The following RRAS2 variants were observed in gnomAD, a reference collection of about 807,000 sequenced individuals.
RRAS2 encodes ras-related protein R-Ras2.
A neutral mutation model predicts 27.6 loss-of-function variants in RRAS2; 7 were observed. The observed-to-expected ratio is 0.25, with a 90% CI of 0.14 to 0.48. The LOEUF is 0.48. Ranked by LOEUF, RRAS2 falls within the 20% of genes least tolerant of loss-of-function variation. The probability of loss-of-function intolerance (pLI) is 0.99; values close to 1 mark genes in which losing one functional copy is unlikely to be tolerated. For synonymous variants in RRAS2, 86 were observed against 90.9 expected (o/e 0.95, Z 0.31); for missense variants, 178 against 256.2 (o/e 0.69, Z 2.08).
At chr11:14,290,483 CATCTCAATTTCATGCTATAGT>C (rs1554945674) in intron 4 of RRAS2, among the ~76,000 whole-genome samples, 2 of 152,130 alleles carry the variant, frequency 1.3e-5, no homozygotes, top group African/African-American at 4.8e-5. Flanking sequence ...TCTACTATAG[CATCTCAATTTCATGCTATAGT>C]ATCTCAATTT....
chr11:14,309,142 T>G (rs1261933313), intron 1 of RRAS2, among the ~76,000 whole-genome samples: 1 of 152,184 alleles, frequency 6.6e-6, no homozygotes, highest in Non-Finnish European at 1.5e-5. Flanking sequence ...AGACTGTTAC[T>G]TCCATTTTCA....
chr11:14,360,730 T>G (rs1345271616), upstream of RRAS2, among the ~76,000 whole-genome samples: 1 of 152,068 alleles, frequency 6.6e-6, no homozygotes. Context: ...CAGACCAACC[T>G]GGCCAACATG....
At chr11:14,343,038 G>C (rs1848749671) in intron 1 of RRAS2, among the ~76,000 whole-genome samples, 1 of 152,158 alleles carries the variant, frequency 6.6e-6, no homozygotes, top group South Asian at 2.1e-4. Flanking sequence ...GGGGTATTTT[G>C]TGACAGGCCA....
intron 1 of RRAS2, among the ~76,000 whole-genome samples, chr11:14,356,148 G>T (rs150109301): frequency 2.6e-5 from 4 of 152,214 alleles, no homozygotes; most frequent in Non-Finnish European, 5.9e-5. Context: ...AATTACACAT[G>T]CAGCAAGTGG....
intron 4 of RRAS2, among the ~76,000 whole-genome samples, chr11:14,282,578 T>C (rs968353757): frequency 1.3e-5 from 2 of 152,140 alleles, no homozygotes; most frequent in Non-Finnish European, 2.9e-5. Context: ...CTTAAAATTA[T>C]ATTTCTGAAA....
intron 1 of RRAS2, among the ~76,000 whole-genome samples, chr11:14,322,828 TA>T (rs1276173541): frequency 3.3e-5 from 5 of 152,022 alleles, no homozygotes; most frequent in Non-Finnish European, 5.9e-5. Context: ...CAAGAGGCTA[TA>T]AAAAATGACC....
chr11:14,323,945 T>C (rs1591472115), intron 1 of RRAS2, among the ~76,000 whole-genome samples: 2 of 148,684 alleles, frequency 1.3e-5, no homozygotes, highest in South Asian at 2.1e-4. Context: ...CTATAAGAGA[T>C]ATGGAAAAAG....
chr11:14,363,381 G>A (rs995526273), upstream of RRAS2, among the ~76,000 whole-genome samples: 1 of 152,148 alleles, frequency 6.6e-6, no homozygotes, highest in African/African-American at 2.4e-5. Flanking sequence ...AGCCTGTAGT[G>A]TCTTTTAAAA....
intron 1 of RRAS2, among the ~76,000 whole-genome samples, chr11:14,296,561 A>C (rs1247816398): frequency 1.3e-5 from 2 of 152,238 alleles, no homozygotes; most frequent in African/African-American, 4.8e-5. Flanking sequence ...CATCAGTCCT[A>C]AGAAGTCAAG....
rs1197628058 is a variant in RRAS2 at position 14,358,413 on chromosome 11, G to T, written c.108+350C>A. ...GGCTCCAGCTCCAGCCCCACGCCCGGACCCTCGGAGCAGTAAAGCCCGGCT... is the reference window on the plus strand; with the variant it reads ...GGCTCCAGCTCCAGCCCCACGCCCGTACCCTCGGAGCAGTAAAGCCCGGCT... On this transcript the variant is annotated intron_variant, in intron 1 of 5. Coordinates refer to ENST00000256196, the MANE Select transcript of RRAS2 (RefSeq NM_012250.6). The surrounding 1 kb of genome is among the most constrained non-coding windows in gnomAD (Gnocchi z 5.1). 1 of 985,348 alleles carries T rather than the reference G, an allele frequency of 1.0e-6. No individual in the cohort carries two copies. The allele number at this position is 985,348 out of a possible 1,614,324, so 61.0% of individuals were successfully genotyped here. A position where few individuals can be genotyped will look rare whatever the true frequency, so the allele number is the denominator to read the frequency against.
At chr11:14,291,343 G>C (rs1465131999) in intron 4 of RRAS2, among the ~76,000 whole-genome samples, 1 of 152,122 alleles carries the variant, frequency 6.6e-6, no homozygotes, top group African/African-American at 2.4e-5. Context: ...AAAAGTGAGA[G>C]TAGTCAACAT....
rs1441767845 is a variant in RRAS2 at position 14,359,141 on chromosome 11, G to T, written c.-271C>A. 2 of 1,030,200 alleles carry T rather than the reference G, an allele frequency of 1.9e-6. No homozygotes were observed. The highest frequency in any genetic ancestry group is 2.3e-6 in the Non-Finnish European group (2 of 859,984). The allele number at this position is 1,030,200 out of a possible 1,614,324, so 63.8% of individuals were successfully genotyped here. A position where few individuals can be genotyped will look rare whatever the true frequency, so the allele number is the denominator to read the frequency against. ...GCGCTCCTCTACGCGTCTCCGCAGC[G>T]CCTGCCGAACGCAGCCTCCAGCGCC... On this transcript the variant is annotated 5_prime_UTR_variant, in exon 1 of 6. Coordinates refer to ENST00000256196, the MANE Select transcript of RRAS2 (RefSeq NM_012250.6).
At chr11:14,313,342 GA>G (rs1421790012) in intron 1 of RRAS2, among the ~76,000 whole-genome samples, 1 of 152,126 alleles carries the variant, frequency 6.6e-6, no homozygotes, top group Non-Finnish European at 1.5e-5. Flanking sequence ...ATGTAACTCT[GA>G]ATCACATTTA....
upstream of RRAS2, among the ~76,000 whole-genome samples, chr11:14,360,716 G>A (rs782065732): frequency 6.6e-6 from 1 of 152,186 alleles, no homozygotes; most frequent in Non-Finnish European, 1.5e-5. Context: ...GAGCCCAGGA[G>A]TTCCAGACCA....
chr11:14,322,860 T>C (rs1426099474), intron 1 of RRAS2, among the ~76,000 whole-genome samples: 3 of 152,008 alleles, frequency 2.0e-5, no homozygotes, highest in East Asian at 1.9e-4. Context: ...TCAAGACAAA[T>C]GTGAATTTAA....
chr11:14,305,617 C>T (rs1847812223), intron 1 of RRAS2, among the ~76,000 whole-genome samples: 1 of 152,192 alleles, frequency 6.6e-6, no homozygotes, highest in Non-Finnish European at 1.5e-5. Context: ...CACTGTATCT[C>T]TCTTCCCACT....
intron 4 of RRAS2, among the ~76,000 whole-genome samples, chr11:14,291,592 C>T (rs782450279): frequency 6.6e-6 from 1 of 152,078 alleles, no homozygotes; most frequent in Non-Finnish European, 1.5e-5. Context: ...TGCAAGCTAA[C>T]ACTACGTATC....
Position 14,335,681 on chromosome 11 carries a change from A to G in RRAS2, c.108+23082T>C, listed in dbSNP as rs556350281. Among the ~76,000 whole-genome samples, 38 of 152,330 alleles carry G rather than the reference A, an allele frequency of 2.5e-4. No homozygotes were observed. The South Asian group carries it at 5.6e-3, about 22-fold the overall frequency. ...TAAAAACTAAAAATCCTTGACAAAC[A>G]TAAGACTCTGAAAGTTTGAGGGAAG... On this transcript the variant is annotated intron_variant, in intron 1 of 5. Transcript: ENST00000256196.
upstream of RRAS2, among the ~76,000 whole-genome samples, chr11:14,364,086 A>G (rs1305161238): frequency 6.6e-6 from 1 of 152,170 alleles, no homozygotes; most frequent in Non-Finnish European, 1.5e-5. Flanking sequence ...AAAATAAAAT[A>G]AAGTGACCCT....
Sources: gnomAD v4.1 joint callset for allele counts (sites outside exome capture counted in the v4.1 genomes callset) on GRCh38, gnomAD v4.1.1 for gene constraint, Gnocchi (gnomAD v3.1) non-coding constraint, MANE v1.5 for transcripts, NCBI Gene and HGNC (gene_info 2026-07-23, HGNC 2026-07-21) for gene names.